The following ABCC12 variants were observed in gnomAD, a reference collection of about 807,000 sequenced individuals.
ABCC12 encodes ATP-binding cassette sub-family C member 12.
A neutral mutation model predicts 151.1 loss-of-function variants in ABCC12; 142 were observed. The ratio of observed to expected loss-of-function variants is 0.94; its 90% CI spans 0.82 to 1.08. The LOEUF (loss-of-function observed/expected upper bound fraction) is 1.08, where lower values mean the gene tolerates loss of function less well. Ranked by LOEUF, ABCC12 falls within the 50% of genes least tolerant of loss-of-function variation. The probability of loss-of-function intolerance (pLI) is 0.00; values close to 1 mark genes in which losing one functional copy is unlikely to be tolerated. For missense variants in ABCC12, 1,638 were observed against 1,691.1 expected, an observed-to-expected ratio of 0.97 and a Z score of 0.55; for synonymous variants, 645 against 646.4, an observed-to-expected ratio of 1.00 and a Z score of 0.03.
At chr16:48,107,618 A>G (rs1379085955) in intron 19 of ABCC12, among the ~76,000 whole-genome samples, 193 bp from the exon 20 acceptor site, 1 of 152,230 alleles carries the variant, frequency 6.6e-6, no homozygotes, top group Non-Finnish European at 1.5e-5. Context: ...CATCTGTTCT[A>G]CCTGGTTGGA....
chr16:48,151,895 G>T (rs184642668), intron 2 of ABCC12, among the ~76,000 whole-genome samples: 6 of 152,260 alleles, frequency 3.9e-5, no homozygotes, highest in Admixed American at 1.3e-4. Flanking sequence ...AGGTCAATAC[G>T]GTCTGGGAGG....
At chr16:48,110,778 T>C (rs4785406) in intron 18 of ABCC12, among the ~76,000 whole-genome samples, 133,779 of 152,192 alleles carry the variant, frequency 0.88, 61,371 homozygotes, top group East Asian at 1. Context: ...ACATGTTTGT[T>C]TCTCTCACCC....
At chr16:48,148,496 C>G (rs948921531) in intron 2 of ABCC12, among the ~76,000 whole-genome samples, 7 of 151,888 alleles carry the variant, frequency 4.6e-5, no homozygotes, top group African/African-American at 1.7e-4. Context: ...TTCAGCCTCC[C>G]AAAAGTGCTG....
rs960883668 is a variant in ABCC12 at position 48,138,497 on chromosome 16, C to T, written c.832-122G>A. 4 of 1,126,492 alleles carry T rather than the reference C, an allele frequency of 3.6e-6. No homozygotes were observed. The South Asian group carries it at 6.3e-5, about 18-fold the overall frequency. The allele number at this position is 1,126,492 out of a possible 1,614,324, so 69.8% of individuals were successfully genotyped here. Reference sequence around the variant, plus strand: ...CTAAAGGAAGTTGGCTTCAGATTCTCAGCCAAGTTCTTCCCTTGAGTTGTG... The same window carrying T: ...CTAAAGGAAGTTGGCTTCAGATTCTTAGCCAAGTTCTTCCCTTGAGTTGTG... On this transcript the variant is annotated intron_variant, in intron 7 of 30. Coordinates refer to ENST00000311303, the MANE Select transcript of ABCC12 (RefSeq NM_001393797.1).
intron 18 of ABCC12, among the ~76,000 whole-genome samples, chr16:48,110,484 G>T (rs897930608): frequency 1.3e-5 from 2 of 152,270 alleles, no homozygotes; most frequent in Non-Finnish European, 2.9e-5. Context: ...ATTGACCTCA[G>T]TCCTCTCTGT....
intron 24 of ABCC12, among the ~76,000 whole-genome samples, chr16:48,092,994 A>G (rs1251280161): frequency 6.6e-6 from 1 of 152,166 alleles, no homozygotes; most frequent in East Asian, 1.9e-4. Context: ...TGCTTAATAC[A>G]GTTCAGCAGT....
chr16:48,115,439 G>A lies in ABCC12; in HGVS notation c.1965C>T (p.Val655=), dbSNP rs753827231. The stretch of plus-strand genomic sequence containing the variant: ...CCTGTAGCTGGTGGGTCACCAGGAC[G>A]ACTGTCTTTCCCCTGAGCGTCTTCT... ...CIKKTLRGKT[V]VLVTHQLQFL... The change falls in exon 15 of 31, where the codon GTC becomes GTT. Residue 655 remains valine (V), a synonymous_variant. Transcript: ENST00000311303. The A allele has an allele frequency of 1.1e-5, 18 of 1,613,884 alleles. No homozygotes were observed. The highest frequency in any genetic ancestry group is 2.7e-5 in the African/African-American group (2 of 74,934).
chr16:48,100,351 G>T (rs113112703), intron 23 of ABCC12, among the ~76,000 whole-genome samples: 2,587 of 152,252 alleles, frequency 0.017, 71 homozygotes, highest in African/African-American at 0.059. Flanking sequence ...TTAAAAAGAA[G>T]AAAATGCTAA....
intron 9 of ABCC12, among the ~76,000 whole-genome samples, chr16:48,133,444 T>C (rs1276604256): frequency 6.6e-6 from 1 of 151,480 alleles, no homozygotes; most frequent in Non-Finnish European, 1.5e-5. Context: ...AAGAATTGCT[T>C]GAACCCAGGA....
chr16:48,150,065 A>C (rs540799319), intron 2 of ABCC12, among the ~76,000 whole-genome samples: 1 of 152,354 alleles, frequency 6.6e-6, no homozygotes, highest in East Asian at 1.9e-4. Context: ...CATAGGCAGC[A>C]ATTATCCTTC....
intron 15 of ABCC12, among the ~76,000 whole-genome samples, chr16:48,114,765 G>A (rs1353778632): frequency 1.3e-5 from 2 of 152,162 alleles, no homozygotes; most frequent in Admixed American, 6.5e-5. Context: ...CAATCAGGAC[G>A]CCTTATGTGA....
Position 48,096,645 on chromosome 16 carries a change from A to C in ABCC12, c.3195+101T>G. 13 of 1,252,638 alleles carry C rather than the reference A, an allele frequency of 1.0e-5. No individual in the cohort carries two copies. In the South Asian group the frequency reaches 1.6e-4, roughly 16 times the overall value. The allele number at this position is 1,252,638 out of a possible 1,614,324, so 77.6% of individuals were successfully genotyped here. A position where few individuals can be genotyped will look rare whatever the true frequency, so the allele number is the denominator to read the frequency against. On this transcript the variant is annotated intron_variant, in intron 24 of 30. Coordinates refer to ENST00000311303, the MANE Select transcript of ABCC12 (RefSeq NM_001393797.1). ...TAAGCTCCCTTTCTCATTTAAACCC[A>C]TTCGAGTTGGGGTTTTTGTTGTGTC...
chr16:48,111,121 T>C (rs1021987152), intron 18 of ABCC12, among the ~76,000 whole-genome samples: 1 of 152,244 alleles, frequency 6.6e-6, no homozygotes, highest in Non-Finnish European at 1.5e-5. Context: ...TGTCAGGCAG[T>C]GTGCGAATCA....
In ABCC12 at chr16:48,144,020, G is replaced by A. The variant is rs1267120932; in HGVS notation, c.165C>T (p.Ala55=). The change falls in exon 4 of 31, where the codon GCC becomes GCT. Residue 55 remains alanine, a synonymous_variant. Coordinates refer to ENST00000311303, the MANE Select transcript of ABCC12 (RefSeq NM_001393797.1). ...PVDDAGLLSF[A]TFSWLTPVMV... ...TCACCGGCGTGAGCCAGGAAAATGT[G>A]GCGAAGGAGAGTAGCCCGGCATCAT... 16 of 1,614,058 alleles carry A rather than the reference G, an allele frequency of 9.9e-6. No homozygotes were observed. Among genetic ancestry groups the A allele is most frequent in the Non-Finnish European group, 1.4e-5 (16 of 1,180,022 alleles).
intron 7 of ABCC12, 77 bp downstream of exon 7, chr16:48,139,086 C>T (rs1964710604): frequency 6.9e-7 from 1 of 1,459,474 alleles, no homozygotes. Context: ...GCCAGAAATG[C>T]AGCCTTCCAC....
At chr16:48,100,307 T>A (rs1963258270) in intron 23 of ABCC12, among the ~76,000 whole-genome samples, 1 of 152,200 alleles carries the variant, frequency 6.6e-6, no homozygotes, top group African/African-American at 2.4e-5. Context: ...AGCTGGAAGA[T>A]GCCAGAGAGA....
chr16:48,083,849 A>G, intron 30 of ABCC12, 48 bp from the exon 31 acceptor site: 1 of 1,613,848 alleles, frequency 6.2e-7, no homozygotes, highest in Non-Finnish European at 8.5e-7. Context: ...ATATCTACCC[A>G]CTGTAAAGCT....
At chr16:48,108,601 TC>T (rs1963581244) in intron 18 of ABCC12, 72 bp from the exon 19 acceptor site, 1 of 1,116,636 alleles carries the variant, frequency 9.0e-7, no homozygotes, top group Non-Finnish European at 1.3e-6. Context: ...GCACGGCCCC[TC>T]CACAGACTCC....
chr16:48,082,319 A>G lies in ABCC12; in HGVS notation c.*1396T>C, dbSNP rs1189592994. On this transcript the variant is annotated 3_prime_UTR_variant, in exon 31 of 31. Coordinates refer to ENST00000311303, the MANE Select transcript of ABCC12 (RefSeq NM_001393797.1). ...GTGCTCACCTCCCCGCTGGTTGGGT[A>G]GACCCCTGCCCAGGCCTGGCCGGAG... Among the ~76,000 whole-genome samples the G allele has an allele frequency of 6.6e-6, 1 of 152,200 alleles. No homozygotes were observed.
Sources: allele counts gnomAD v4.1 joint callset (sites outside exome capture counted in the v4.1 genomes callset), GRCh38; gene constraint gnomAD v4.1.1; transcripts MANE v1.5; gene names NCBI Gene and HGNC (gene_info 2026-07-23, HGNC 2026-07-21).